STK11: variants seen among roughly 807,000 people sequenced by gnomAD.
STK11 encodes the protein serine/threonine-protein kinase STK11.
STK11 carries 8 observed loss-of-function variants against 47.3 expected under a neutral mutation model. The observed-to-expected ratio is 0.17, with a 90% CI of 0.10 to 0.31. STK11 has a LOEUF of 0.31. Among genes scored for constraint, STK11 ranks in the 10% least tolerant of loss-of-function variants. The pLI is 1.00. For missense variants in STK11, 475 were observed against 605.0 expected (o/e 0.79, Z 2.25); for synonymous variants, 330 against 255.8 (o/e 1.29, Z -2.77).
intron 8 of STK11, chr19:1,224,747 C>T: frequency 1.0e-6 from 1 of 985,738 alleles, no homozygotes; most frequent in Non-Finnish European, 1.2e-6. Flanking sequence ...CCTGCTAAGC[C>T]CACTGTGGGT....
chr19:1,228,258 C>A lies in STK11; in HGVS notation c.*682C>A. ...CCCCAAGGCCACTGCGCTCTTGGGA[C>A]CCCAGAGAAAACCCGGAGCAAGCAG... On this transcript the variant is annotated 3_prime_UTR_variant, in exon 10 of 10. Transcript: ENST00000326873. 2.2e-6 allele frequency: 1 copy of A among 453,932 alleles called. No homozygotes were observed. The highest frequency in any genetic ancestry group is 3.1e-6 in the Non-Finnish European group (1 of 320,178). 28.1% of individuals were successfully genotyped at this position (453,932 alleles called of 1,614,324 possible).
chr19:1,226,909 C>G (rs1331680544), intron 9 of STK11: 1 of 508,318 alleles, frequency 2.0e-6, no homozygotes, highest in South Asian at 2.8e-5. Context: ...GGGGGCGTGC[C>G]GTCCTCACAG....
rs587781537 is a variant in STK11 at position 1,226,628 on chromosome 19, C to G, written c.1283C>G (p.Ser428Trp). ...GCCAGCAGCAAGATCCGCCGGCTGT[C>G]GGCCTGCAAGCAGCAGTGAGGCTGG... ...CSASSKIRRL[S>W]ACKQQ Residue 428 changes from serine (S) to tryptophan (W), a missense_variant, in exon 9 of 10, where the codon TCG (serine) becomes TGG (tryptophan). By Grantham distance (177) the Ser-to-Trp change is radical (BLOSUM62 -3). Transcript: ENST00000326873. 14 of 1,542,538 alleles carry G rather than the reference C, an allele frequency of 9.1e-6. No individual in the cohort carries two copies. In the Admixed American group the frequency reaches 1.4e-4, roughly 15 times the overall value.
intron 2 of STK11, among the ~76,000 whole-genome samples, chr19:1,218,900 G>A (rs549499172): frequency 1.4e-4 from 21 of 152,270 alleles, no homozygotes; most frequent in African/African-American, 4.6e-4. Context: ...CTCCCTACGG[G>A]GACTTTGCTT....
intron 1 of STK11, among the ~76,000 whole-genome samples, chr19:1,210,243 C>T (rs536704748): frequency 4.7e-4 from 71 of 152,328 alleles, no homozygotes; most frequent in Middle Eastern, 3.4e-3. Flanking sequence ...CTGCCCAGCC[C>T]TGAGGCCCAA....
rs959411051 is a variant in STK11, at chr19:1,227,909, G to C, written c.*333G>C. 47 of 1,070,242 alleles carry C rather than the reference G, an allele frequency of 4.4e-5. No homozygotes were observed. Among genetic ancestry groups the C allele is most frequent in the Non-Finnish European group, 5.0e-5 (44 of 882,380 alleles). 66.3% of individuals were successfully genotyped at this position (1,070,242 alleles called of 1,614,324 possible). On this transcript the variant is annotated 3_prime_UTR_variant, in exon 10 of 10. Transcript: ENST00000326873. ...GGCCCCGCCCGTGGCCTCGTGCTCC[G>C]CAGGGCGCCCAGCGCCGTCCGGCGG...
At chr19:1,214,580 C>G (rs970735602) in intron 1 of STK11, among the ~76,000 whole-genome samples, 13 of 152,238 alleles carry the variant, frequency 8.5e-5, no homozygotes, top group Admixed American at 8.5e-4. Flanking sequence ...AGGGAGGTTT[C>G]CAGGAGGGAG....
chr19:1,207,147 G>A lies in STK11; in HGVS notation c.234G>A (p.Lys78=), dbSNP rs766658000. Residue 78 remains lysine (K), a synonymous_variant, in exon 1 of 10, where the codon AAG becomes AAA. Coordinates refer to ENST00000326873, the MANE Select transcript of STK11 (RefSeq NM_000455.5). ...AGACGCTGTGCAGGAGGGCCGTCAA[G>A]ATCCTCAAGAAGAAGAAGTTGCGAA... ...DSETLCRRAV[K]ILKKKKLRRI... 17 of 1,613,054 alleles carry A rather than the reference G, an allele frequency of 1.1e-5. No individual in the cohort carries two copies. Among genetic ancestry groups the A allele is most frequent in the Non-Finnish European group, 1.2e-5 (14 of 1,179,514 alleles).
chr19:1,214,366 C>G (rs1362800582), intron 1 of STK11, among the ~76,000 whole-genome samples: 1 of 152,224 alleles, frequency 6.6e-6, no homozygotes, highest in African/African-American at 2.4e-5. Flanking sequence ...CCCAGTGTCC[C>G]TTGGTCTATG....
intron 1 of STK11, among the ~76,000 whole-genome samples, chr19:1,209,284 A>G (rs1380495258): frequency 6.6e-6 from 1 of 152,108 alleles, no homozygotes; most frequent in Non-Finnish European, 1.5e-5. Flanking sequence ...CCCAGCAGTG[A>G]GAAACCCACG....
intron 1 of STK11, among the ~76,000 whole-genome samples, chr19:1,216,045 T>C (rs2080742703): frequency 1.3e-5 from 2 of 152,032 alleles, no homozygotes; most frequent in African/African-American, 4.8e-5. Context: ...CCAGCTGTTT[T>C]TTATGCTCCA....
At position 1,207,006 on chromosome 19, in the gene STK11, C is replaced by T. The variant is rs775258601; in HGVS notation, c.93C>T (p.Ser31=). The change falls in exon 1 of 10, where the codon TCC becomes TCT. Residue 31 remains serine (S), a synonymous_variant. Coordinates refer to ENST00000326873, the MANE Select transcript of STK11 (RefSeq NM_000455.5). ...ACACGTTCATCCACCGCATCGACTC[C>T]ACCGAGGTCATCTACCAGCCGCGCC... ...GMDTFIHRID[S]TEVIYQPRRK... is the part of the protein sequence containing the mutation. The T allele has an allele frequency of 3.1e-6, 5 of 1,613,612 alleles. No homozygotes were observed. Among genetic ancestry groups the T allele is most frequent in the African/African-American group, 2.7e-5 (2 of 74,972 alleles).
chr19:1,207,940 G>A (rs1043868459), intron 1 of STK11, among the ~76,000 whole-genome samples: 2 of 152,204 alleles, frequency 1.3e-5, no homozygotes, highest in African/African-American at 4.8e-5. Context: ...TCCTACCTAG[G>A]GCAGCACTGG....
intron 8 of STK11, chr19:1,225,501 C>A: frequency 1.0e-6 from 1 of 960,786 alleles, no homozygotes; most frequent in East Asian, 1.2e-4. Flanking sequence ...AAACTCCTAA[C>A]CTCATGATCT....
chr19:1,224,031 G>A (rs917005847), intron 8 of STK11: 17 of 1,004,996 alleles, frequency 1.7e-5, no homozygotes, highest in South Asian at 4.7e-5. Context: ...GTCCACCCCC[G>A]GGCCCGAGGG....
At chr19:1,215,704 G>T (rs2080740219) in intron 1 of STK11, among the ~76,000 whole-genome samples, 1 of 152,166 alleles carries the variant, frequency 6.6e-6, no homozygotes, top group African/African-American at 2.4e-5. Context: ...TGAGCTGGGG[G>T]TGGGGAAGGC....
intron 1 of STK11, among the ~76,000 whole-genome samples, chr19:1,212,212 C>G (rs577857353): frequency 1.3e-5 from 2 of 149,978 alleles, no homozygotes; most frequent in Non-Finnish European, 3.0e-5. Flanking sequence ...GGCGGCTGGA[C>G]GGCCCGTATA....
Position 1,220,703 on chromosome 19 carries a change from G to A in STK11, c.720G>A (p.Ser240=), listed in dbSNP as rs759743897. Residue 240 remains serine, a synonymous_variant, in exon 5 of 10, where the codon TCG becomes TCA. Coordinates refer to ENST00000326873, the MANE Select transcript of STK11 (RefSeq NM_000455.5). ...CCGGCTTCAAGGTGGACATCTGGTC[G>A]GCTGGGGTCACCCTGTAAGTGCCCC... ...TFSGFKVDIW[S]AGVTLYNITT... 1.4e-5 allele frequency: 23 copies of A among 1,609,240 alleles called. No homozygotes were observed. The highest frequency in any genetic ancestry group is 4.4e-5 in the South Asian group (4 of 90,960).
At position 1,222,895 on chromosome 19, in the gene STK11, C is replaced by T. The variant is rs979521743; in HGVS notation, c.921-90C>T. ...CTGGTCCCAGCTCCTGAGTGTGTGGCAGGTACCCTGGGCCCAGAGGAGCTG... is the reference window on the plus strand; with the variant it reads ...CTGGTCCCAGCTCCTGAGTGTGTGGTAGGTACCCTGGGCCCAGAGGAGCTG... On this transcript the variant is annotated intron_variant, in intron 7 of 9. Coordinates refer to ENST00000326873, the MANE Select transcript of STK11 (RefSeq NM_000455.5). The T allele has an allele frequency of 1.0e-5, 14 of 1,404,580 alleles. No individual in the cohort carries two copies. In the African/African-American group the frequency reaches 1.6e-4, roughly 16 times the overall value. 87.0% of individuals were successfully genotyped at this position (1,404,580 alleles called of 1,614,324 possible).
Sources: gnomAD v4.1 joint callset for allele counts (sites outside exome capture counted in the v4.1 genomes callset) on GRCh38, gnomAD v4.1.1 for gene constraint, MANE v1.5 for transcripts, NCBI Gene and HGNC (gene_info 2026-07-23, HGNC 2026-07-21) for gene names.